The following FOXN3 variants were observed in gnomAD, a reference collection of about 807,000 sequenced individuals.
The protein encoded by FOXN3 is forkhead box N3.
A neutral mutation model predicts 38.4 loss-of-function variants in FOXN3; 7 were observed. That is an observed-to-expected ratio of 0.18 (90% CI 0.10 to 0.34). FOXN3 has a LOEUF of 0.34. Among genes scored for constraint, FOXN3 ranks in the 10% least tolerant of loss-of-function variants. The pLI is 1.00. For synonymous variants in FOXN3, 230 were observed against 242.2 expected (o/e 0.95, Z 0.47); for missense variants, 456 against 613.4 (o/e 0.74, Z 2.71).
In FOXN3 at chr14:89,197,326, G is replaced by A. The variant is rs552504168; in HGVS notation, c.746-16520C>T. Among the ~76,000 whole-genome samples the A allele has an allele frequency of 9.9e-5, 15 of 152,192 alleles. No individual in the cohort carries two copies. The South Asian group carries it at 2.7e-3, about 27-fold the overall frequency. On this transcript the variant is annotated intron_variant, in intron 4 of 5. Transcript: ENST00000557258. The stretch of plus-strand genomic sequence containing the variant: ...GTTCAAGACCAGCCTGGCCAACATG[G>A]TGAAACCCCACCTCTACTAAAAATA...
intron 1 of FOXN3, among the ~76,000 whole-genome samples, chr14:89,566,039 G>A (rs17126043): frequency 0.011 from 1,713 of 152,220 alleles, 29 homozygotes; most frequent in African/African-American, 0.039. Context: ...TGTGACCCTC[G>A]CCCCAGAATA....
intron 1 of FOXN3, among the ~76,000 whole-genome samples, chr14:89,426,815 G>C (rs558490884): frequency 6.6e-6 from 1 of 152,150 alleles, no homozygotes; most frequent in Non-Finnish European, 1.5e-5. Flanking sequence ...GCTGGGAATT[G>C]AACCCACACA....
chr14:89,205,342 C>T (rs757766522), intron 4 of FOXN3, among the ~76,000 whole-genome samples: 1 of 152,050 alleles, frequency 6.6e-6, no homozygotes, highest in Non-Finnish European at 1.5e-5. Flanking sequence ...CGGGAAGTGC[C>T]GGGTACAGAA....
At chr14:89,275,282 G>T (rs10220425) in intron 4 of FOXN3, among the ~76,000 whole-genome samples, 1 of 152,100 alleles carries the variant, frequency 6.6e-6, no homozygotes, top group African/African-American at 2.4e-5. Context: ...CCTTGCACCC[G>T]CAGCAGACAC....
At chr14:89,372,797 A>G (rs1158095097) in intron 2 of FOXN3, among the ~76,000 whole-genome samples, 1 of 152,158 alleles carries the variant, frequency 6.6e-6, no homozygotes, top group Non-Finnish European at 1.5e-5. Flanking sequence ...ATGCACTGAT[A>G]CTCTTTAATC....
At chr14:89,392,040 T>A (rs751869748) in intron 2 of FOXN3, among the ~76,000 whole-genome samples, 4 of 152,038 alleles carry the variant, frequency 2.6e-5, no homozygotes, top group Non-Finnish European at 4.4e-5. Context: ...TCATTCCCCA[T>A]CAAAAAATGG....
Position 89,204,294 on chromosome 14 carries a change from C to T in FOXN3, c.746-23488G>A, listed in dbSNP as rs115273961. Among the ~76,000 whole-genome samples, 325 of 152,274 alleles carry T rather than the reference C, an allele frequency of 2.1e-3. 4 individuals carry two copies. The highest frequency in any genetic ancestry group is 7.5e-3 in the African/African-American group (312 of 41,556). On this transcript the variant is annotated intron_variant, in intron 4 of 5. Coordinates refer to ENST00000557258, the MANE Select transcript of FOXN3 (RefSeq NM_005197.4). Reference sequence around the variant, plus strand: ...TGGGGTGGCTGTGGTACACTCTTCACGGGAAATGATGGTGCATGGCTGGGC... The same window carrying T: ...TGGGGTGGCTGTGGTACACTCTTCATGGGAAATGATGGTGCATGGCTGGGC...
chr14:89,219,945 C>T (rs558701416), intron 4 of FOXN3, among the ~76,000 whole-genome samples: 1 of 152,226 alleles, frequency 6.6e-6, no homozygotes, highest in African/African-American at 2.4e-5. Context: ...AGGATCCTTG[C>T]CACTTACAGA....
At chr14:89,268,071 TACAC>T (rs1886038202) in intron 4 of FOXN3, among the ~76,000 whole-genome samples, 1 of 152,068 alleles carries the variant, frequency 6.6e-6, no homozygotes, top group African/African-American at 2.4e-5. Context: ...TATATGCACC[TACAC>T]ACACATACAG....
intron 4 of FOXN3, among the ~76,000 whole-genome samples, chr14:89,232,776 G>A (rs556355416): frequency 3.3e-5 from 5 of 152,308 alleles, no homozygotes; most frequent in African/African-American, 4.8e-5. Flanking sequence ...TGGCGAGAGC[G>A]TCAATTTCTC....
chr14:89,355,371 G>A (rs1181224302), intron 2 of FOXN3: 1 of 150,428 alleles, frequency 6.6e-6, no homozygotes, highest in African/African-American at 2.4e-5. Flanking sequence ...GGGATTACAG[G>A]TGCCCGCCAC....
At position 89,506,822 on chromosome 14, in the gene FOXN3, T is replaced by C. The variant is rs1365753552; in HGVS notation, c.-14-94332A>G. Among the ~76,000 whole-genome samples the C allele has an allele frequency of 2.0e-5, 3 of 152,220 alleles. No individual in the cohort carries two copies. In the East Asian group the frequency reaches 5.8e-4, roughly 29 times the overall value. The stretch of plus-strand genomic sequence containing the variant: ...CTTAGGATCCTGTTGATCTGTGACC[T>C]TACCCACAACCCTGTGCTCACTGAA... On this transcript the variant is annotated intron_variant, in intron 1 of 6. Coordinates refer to the FOXN3 transcript ENST00000345097.
At chr14:89,575,408 G>A (rs1895589295) in intron 1 of FOXN3, among the ~76,000 whole-genome samples, 1 of 151,996 alleles carries the variant, frequency 6.6e-6, no homozygotes, top group Non-Finnish European at 1.5e-5. Flanking sequence ...ATGATAGGGA[G>A]AAGGGATAAA....
At chr14:89,444,007 CAAA>C (rs569571116) in intron 1 of FOXN3, among the ~76,000 whole-genome samples, 2,424 of 67,594 alleles carry the variant, frequency 0.036, 29 homozygotes, top group African/African-American at 0.057. Flanking sequence ...GAAACTCTGT[CAAA>C]AAAAAAAAAA....
chr14:89,524,371 C>CAAAAAAAAAAAAAAA (rs1301922423), intron 1 of FOXN3, among the ~76,000 whole-genome samples: 1 of 6,570 alleles, frequency 1.5e-4, no homozygotes, highest in Non-Finnish European at 3.6e-4. Context: ...GACTCCATCT[C>CAAAAAAAAAAAAAAA]AAAAAAAAAA....
chr14:89,370,519 C>T (rs1435359586), intron 2 of FOXN3, among the ~76,000 whole-genome samples: 3 of 152,238 alleles, frequency 2.0e-5, no homozygotes, highest in African/African-American at 7.2e-5. Flanking sequence ...GTGGGAAACT[C>T]ATGCACATCT....
At chr14:89,178,173 AT>A (rs777561153) in intron 5 of FOXN3, among the ~76,000 whole-genome samples, 1,531 of 132,752 alleles carry the variant, frequency 0.012, 6 homozygotes, top group Middle Eastern at 0.031. Context: ...TGCCCAGGTC[AT>A]TTTTTTTTTT....
chr14:89,509,359 G>A (rs912169774), intron 1 of FOXN3, among the ~76,000 whole-genome samples: 6 of 151,396 alleles, frequency 4.0e-5, no homozygotes, highest in Non-Finnish European at 8.9e-5. Context: ...TTTTAAGATG[G>A]AGTCTTGTTC....
At chr14:89,591,548 CT>C (rs1214233020) in intron 1 of FOXN3, among the ~76,000 whole-genome samples, 9 of 152,202 alleles carry the variant, frequency 5.9e-5, no homozygotes, top group Admixed American at 2.0e-4. Flanking sequence ...TCTTCTGAAC[CT>C]TGTAAGATTC....
Sources: gnomAD v4.1 joint callset for allele counts (sites outside exome capture counted in the v4.1 genomes callset) on GRCh38, gnomAD v4.1.1 for gene constraint, MANE v1.5 for transcripts, NCBI Gene and HGNC (gene_info 2026-07-23, HGNC 2026-07-21) for gene names.